The following NEXN variants were observed in gnomAD, a reference collection of about 807,000 sequenced individuals.
The protein encoded by NEXN is nexilin F-actin binding protein, also known as nexilin.
Under a neutral mutation model 92.6 loss-of-function variants are expected in NEXN, and 65 were observed. The observed-to-expected ratio is 0.70, with a 90% CI of 0.57 to 0.86. The LOEUF (loss-of-function observed/expected upper bound fraction) is 0.86. Among genes scored for constraint, NEXN ranks in the 40% least tolerant of loss-of-function variants. The pLI is 0.00. For synonymous variants in NEXN, 254 were observed against 242.5 expected (o/e 1.05, Z -0.44); for missense variants, 778 against 771.1 (o/e 1.01, Z -0.11).
intron 1 of NEXN, chr1:77,888,998 C>T (rs527549720): frequency 1.3e-5 from 2 of 153,146 alleles, no homozygotes; most frequent in Non-Finnish European, 2.9e-5. Flanking sequence ...GGGGTGCCTA[C>T]CAGGGGCTGC....
intron 8 of NEXN, among the ~76,000 whole-genome samples, chr1:77,927,602 CTGTG>C (rs1169419339): frequency 2.8e-3 from 405 of 144,770 alleles, no homozygotes; most frequent in Non-Finnish European, 3.8e-3. Flanking sequence ...GTGTGTGTGT[CTGTG>C]TGTGTGTGTG....
intron 1 of NEXN, among the ~76,000 whole-genome samples, chr1:77,899,328 A>G (rs1647497618): frequency 6.6e-6 from 1 of 152,082 alleles, no homozygotes. Context: ...CTATGCAGCC[A>G]TAAAAAATGA....
At chr1:77,905,909 G>C (rs138096872) in intron 1 of NEXN, among the ~76,000 whole-genome samples, 338 of 152,254 alleles carry the variant, frequency 2.2e-3, no homozygotes, top group African/African-American at 7.9e-3. Flanking sequence ...AGTTGTGCCA[G>C]TATTACAGTA....
At chr1:77,907,041 A>G (rs1238358292) in intron 1 of NEXN, among the ~76,000 whole-genome samples, 2 of 152,220 alleles carry the variant, frequency 1.3e-5, no homozygotes, top group African/African-American at 2.4e-5. Context: ...TACTTGGCAC[A>G]TTACCAGGCA....
At chr1:77,895,169 C>T (rs1194857620) in intron 1 of NEXN, among the ~76,000 whole-genome samples, 2 of 150,144 alleles carry the variant, frequency 1.3e-5, no homozygotes, top group Middle Eastern at 3.2e-3. Flanking sequence ...CTCAGCCTCC[C>T]GAGTAGCTGG....
intron 1 of NEXN, among the ~76,000 whole-genome samples, chr1:77,890,890 T>G (rs1265566573): frequency 6.6e-6 from 1 of 152,164 alleles, no homozygotes; most frequent in South Asian, 2.1e-4. Context: ...TTTATAGTTA[T>G]GTAGGCCACA....
Position 77,942,948 on chromosome 1 carries a change from C to A in NEXN, c.*119C>A. Reference sequence around the variant, plus strand: ...CCTCTCCCTGGAACTTTCTCTTTCACTCCAACTTTCTTACTACATCCATCT... The same window carrying A: ...CCTCTCCCTGGAACTTTCTCTTTCAATCCAACTTTCTTACTACATCCATCT... On this transcript the variant is annotated 3_prime_UTR_variant, in exon 13 of 13. Coordinates refer to ENST00000334785, the MANE Select transcript of NEXN (RefSeq NM_144573.4). 1 of 1,354,432 alleles carries A rather than the reference C, an allele frequency of 7.4e-7. No individual in the cohort carries two copies. Among genetic ancestry groups the A allele is most frequent in the Non-Finnish European group, 1.0e-6 (1 of 974,228 alleles). 83.9% of individuals were successfully genotyped at this position (1,354,432 alleles called of 1,614,324 possible).
intron 2 of NEXN, among the ~76,000 whole-genome samples, chr1:77,917,255 T>A (rs980101261): frequency 6.6e-6 from 1 of 152,210 alleles, no homozygotes; most frequent in Admixed American, 6.5e-5. Context: ...CAGTTGTTTT[T>A]AATTAGAATT....
rs1465710362 is a variant in NEXN, at chr1:77,942,193, T to G, written c.1644T>G (p.Asp548Glu). ...TGCAGTTTGAACAAAGGGAAATTGA[T>G]GCAGCACTACAAAAGGTACCAGGCT... ...LRMQFEQREI[D>E]AALQKKREEE... Residue 548 changes from aspartate (D) to glutamate (E), a missense_variant, in exon 12 of 13, where the codon GAT becomes GAG. By Grantham distance (45) the Asp-to-Glu change is conservative. Transcript: ENST00000334785. The G allele has an allele frequency of 1.2e-6, 2 of 1,613,750 alleles. No homozygotes were observed. The highest frequency in any genetic ancestry group is 2.2e-5 in the South Asian group (2 of 91,066).
chr1:77,899,425 G>A (rs924590208), intron 1 of NEXN, among the ~76,000 whole-genome samples: 6 of 151,898 alleles, frequency 4.0e-5, no homozygotes, highest in South Asian at 2.1e-4. Context: ...ACCAAACACC[G>A]CATGTTCTCA....
In NEXN at chr1:77,918,138, T is replaced by C. The variant is rs530032552; in HGVS notation, c.312T>C (p.Gly104=). Residue 104 remains glycine, a synonymous_variant, in exon 5 of 13, where the codon GGT becomes GGC. Coordinates refer to ENST00000334785, the MANE Select transcript of NEXN (RefSeq NM_144573.4). ...YVPKLTGTVK[G]RFAEMEKQRQ... The stretch of plus-strand genomic sequence containing the variant: ...ATATATTTTTAGGAACTGTGAAGGG[T>C]AGATTTGCTGAAATGGAGAAACAAA... 8 of 1,613,776 alleles carry C rather than the reference T, an allele frequency of 5.0e-6. No individual in the cohort carries two copies. Among genetic ancestry groups the C allele is most frequent in the African/African-American group, 1.3e-5 (1 of 74,928 alleles).
rs1649763648 is a variant in NEXN at position 77,925,370 on chromosome 1, A to G, written c.489+141A>G. ...AATAACAAAAAAGTATGTTTTGCAA[A>G]GCAAGAGCATACTTTTGCACTTTCA... On this transcript the variant is annotated intron_variant, in intron 6 of 12. Coordinates refer to ENST00000334785, the MANE Select transcript of NEXN (RefSeq NM_144573.4). 4 of 697,336 alleles carry G rather than the reference A, an allele frequency of 5.7e-6. No individual in the cohort carries two copies. The Admixed American group carries it at 9.9e-5, about 17-fold the overall frequency. 43.2% of individuals were successfully genotyped at this position (697,336 alleles called of 1,614,324 possible).
intron 8 of NEXN, 150 bp from the exon 9 acceptor site, chr1:77,929,166 G>A (rs1027733248): frequency 1.7e-6 from 1 of 602,084 alleles, no homozygotes; most frequent in Non-Finnish European, 3.0e-6. Context: ...TATCATAGAA[G>A]ACATTAAAAA....
At chr1:77,896,761 TA>T (rs199521583) in intron 1 of NEXN, among the ~76,000 whole-genome samples, 146 of 139,624 alleles carry the variant, frequency 1.0e-3, no homozygotes, top group Admixed American at 1.1e-3. Context: ...TCTGTCTAAT[TA>T]AAAAAAAAAA....
chr1:77,907,842 C>A (rs980886894), intron 1 of NEXN, among the ~76,000 whole-genome samples: 2 of 151,988 alleles, frequency 1.3e-5, no homozygotes, highest in Non-Finnish European at 2.9e-5. Context: ...CACACACACA[C>A]AAAAAAAGCC....
chr1:77,935,265 C>T (rs60768314), intron 10 of NEXN, among the ~76,000 whole-genome samples: 14,135 of 152,086 alleles, frequency 0.093, 1,245 homozygotes, highest in African/African-American at 0.23. Flanking sequence ...CTTGAACTCC[C>T]GACCTCAGGT....
In NEXN at chr1:77,929,493, A is replaced by C. The variant is rs752036618; in HGVS notation, c.1042A>C (p.Arg348=). The C allele has an allele frequency of 4.7e-5, 76 of 1,612,396 alleles. No individual in the cohort carries two copies. Among genetic ancestry groups the C allele is most frequent in the Non-Finnish European group, 1.0e-5 (12 of 1,179,822 alleles). The change falls in exon 9 of 13, where the codon AGG becomes CGG. Residue 348 remains arginine (R), a synonymous_variant. Transcript: ENST00000334785. ...AGAAAAGAAGGCGTTTGCTGAAGCA[A>C]GGAGAAATATGGTAAGACAGAAGCT... ...EEEKKAFAEA[R]RNMVVDDDSP...
intron 11 of NEXN, among the ~76,000 whole-genome samples, chr1:77,941,155 G>A (rs1180254011): frequency 1.3e-5 from 2 of 152,032 alleles, no homozygotes; most frequent in Admixed American, 6.5e-5. Flanking sequence ...GTGGCAATCT[G>A]GAGCAATTTC....
At chr1:77,916,397 A>C (rs947675470) in intron 2 of NEXN, among the ~76,000 whole-genome samples, 6 of 152,188 alleles carry the variant, frequency 3.9e-5, no homozygotes, top group African/African-American at 1.4e-4. Context: ...TAGCATTCTG[A>C]GTAGAATTTT....
Sources: gnomAD v4.1 joint callset for allele counts (sites outside exome capture counted in the v4.1 genomes callset) on GRCh38, gnomAD v4.1.1 for gene constraint, MANE v1.5 for transcripts, NCBI Gene and HGNC (gene_info 2026-07-23, HGNC 2026-07-21) for gene names.